The following SLC38A8 variants were observed in gnomAD, a reference collection of about 807,000 sequenced individuals.
The protein encoded by SLC38A8 is amino acid transporter SLC38A8.
A neutral mutation model predicts 46.0 loss-of-function variants in SLC38A8; 65 were observed. The ratio of observed to expected loss-of-function variants is 1.41; its 90% CI spans 1.16 to 1.74. The LOEUF (loss-of-function observed/expected upper bound fraction) is 1.74, where lower values mean the gene tolerates loss of function less well. SLC38A8 is among the 40% of genes most tolerant of loss of function. The pLI is 0.00. For missense variants in SLC38A8, 998 were observed against 567.9 expected (o/e 1.76, Z -7.70); for synonymous variants, 447 against 243.7 (o/e 1.83, Z -7.77).
intron 6 of SLC38A8, among the ~76,000 whole-genome samples, chr16:84,024,045 G>A (rs1398364174): frequency 5.3e-5 from 8 of 152,208 alleles, no homozygotes; most frequent in Non-Finnish European, 1.2e-4. Flanking sequence ...CTGTGTGTTT[G>A]GGGTGGGGGT....
chr16:84,017,172 T>C lies in SLC38A8; in HGVS notation c.921A>G (p.Val307=). The change falls in exon 8 of 11, where the codon GTA becomes GTG. Residue 307 remains valine, a synonymous_variant. Coordinates refer to ENST00000299709, the MANE Select transcript of SLC38A8 (RefSeq NM_001080442.3). ...GGAAGAGCACGATGGGGTAGACAGT[T>C]ACGATGGAGACAGCAAAAAGGACCC... ...VARVLFAVSI[V]TVYPIVLFLG... is the part of the protein sequence containing the mutation. 6 of 1,613,986 alleles carry C rather than the reference T, an allele frequency of 3.7e-6. No homozygotes were observed. The highest frequency in any genetic ancestry group is 4.2e-6 in the Non-Finnish European group (5 of 1,180,004).
chr16:84,009,843 G>T lies in SLC38A8; in HGVS notation c.1249C>A (p.Leu417Met), dbSNP rs148450852. ...TGCCCAAAGATGAAGGTGCCGACCAGCACAGAGACCACTCCCCAGACCTCC... is the reference window on the plus strand; with the variant it reads ...TGCCCAAAGATGAAGGTGCCGACCATCACAGAGACCACTCCCCAGACCTCC... ...CLEVWGVVSV[L>M]VGTFIFGQST... The change falls in exon 11 of 11, where the codon CTG (leucine) becomes ATG (methionine). Residue 417 changes from leucine to methionine, a missense_variant. By Grantham distance (15) the Leu-to-Met change is conservative. Transcript: ENST00000299709. 20 of 1,614,072 alleles carry T rather than the reference G, an allele frequency of 1.2e-5. No homozygotes were observed. In the African/African-American group the frequency reaches 2.1e-4, roughly 17 times the overall value.
intron 2 of SLC38A8, among the ~76,000 whole-genome samples, chr16:84,040,488 CG>C (rs2085355490): frequency 6.6e-6 from 1 of 152,228 alleles, no homozygotes; most frequent in South Asian, 2.1e-4. Context: ...AATGCCTGCA[CG>C]GTGCTTGTGG....
At chr16:84,020,678 T>C (rs886125964) in intron 7 of SLC38A8, among the ~76,000 whole-genome samples, 2 of 152,196 alleles carry the variant, frequency 1.3e-5, no homozygotes, top group Non-Finnish European at 2.9e-5. Context: ...GGATAGCCTG[T>C]GGAGGCACCC....
intron 7 of SLC38A8, among the ~76,000 whole-genome samples, chr16:84,019,324 T>G (rs9926354): frequency 0.25 from 38,056 of 151,972 alleles, 7,151 homozygotes; most frequent in African/African-American, 0.53. Flanking sequence ...TCCACCTGCC[T>G]CAGCCTACCA....
chr16:84,025,268 G>T (rs368231042), intron 6 of SLC38A8, among the ~76,000 whole-genome samples: 6 of 152,122 alleles, frequency 3.9e-5, no homozygotes, highest in East Asian at 1.9e-4. Context: ...ACGTGCCAAG[G>T]CCTCATTCCT....
intron 6 of SLC38A8, 110 bp from the exon 7 acceptor site, chr16:84,022,999 C>G (rs1332060165): frequency 1.4e-6 from 1 of 697,698 alleles, no homozygotes; most frequent in Non-Finnish European, 2.3e-6. Context: ...TGAGGTTTCT[C>G]TTGAAATAGC....
intron 3 of SLC38A8, 88 bp downstream of exon 3, chr16:84,036,614 G>A (rs886198963): frequency 1.4e-6 from 2 of 1,468,466 alleles, no homozygotes; most frequent in Non-Finnish European, 1.9e-6. Flanking sequence ...CCCAGGCCAG[G>A]GCCCCACGTC....
chr16:84,035,184 C>T lies in SLC38A8; in HGVS notation c.388+1518G>A, dbSNP rs371266203. Reference sequence around the variant, plus strand: ...CTCAGAATCCTTCTTAACACAGCAACGCTACCAGTTCAGTGGAGTTGAAAC... The same window carrying T: ...CTCAGAATCCTTCTTAACACAGCAATGCTACCAGTTCAGTGGAGTTGAAAC... On this transcript the variant is annotated intron_variant, in intron 3 of 10. Coordinates refer to ENST00000299709, the MANE Select transcript of SLC38A8 (RefSeq NM_001080442.3). Among the ~76,000 whole-genome samples, 102 of 152,336 alleles carry T rather than the reference C, an allele frequency of 6.7e-4. 1 individual carries two copies. The South Asian group carries it at 0.018, about 28-fold the overall frequency.
chr16:84,013,348 G>C (rs1390499991), intron 9 of SLC38A8, among the ~76,000 whole-genome samples: 1 of 151,866 alleles, frequency 6.6e-6, no homozygotes, highest in African/African-American at 2.4e-5. Context: ...ATGAGGAGAT[G>C]GTGAGAGTCC....
At position 84,028,249 on chromosome 16, in the gene SLC38A8, G is replaced by C. The variant is rs185039346; in HGVS notation, c.690+1245C>G. On this transcript the variant is annotated intron_variant, in intron 6 of 10. Coordinates refer to ENST00000299709, the MANE Select transcript of SLC38A8 (RefSeq NM_001080442.3). ...GGTGCTGGTGGTAGGCAGTGGATAG[G>C]TGGTTGTTTTTAGGACATCGAGGCA... 1.3e-3 allele frequency among the ~76,000 whole-genome samples: 192 copies of C among 152,220 alleles called. 1 individual carries two copies. The highest frequency in any genetic ancestry group is 4.4e-3 in the African/African-American group (182 of 41,528).
At chr16:84,019,939 C>A (rs542215724) in intron 7 of SLC38A8, among the ~76,000 whole-genome samples, 1 of 152,260 alleles carries the variant, frequency 6.6e-6, no homozygotes, top group Non-Finnish European at 1.5e-5. Context: ...CCCACTCCTA[C>A]GGCTTTGCCG....
chr16:84,036,351 G>T (rs752126237), intron 3 of SLC38A8, among the ~76,000 whole-genome samples: 1 of 152,232 alleles, frequency 6.6e-6, no homozygotes, highest in Non-Finnish European at 1.5e-5. Flanking sequence ...GTTGGTGAGG[G>T]CTCAGAGCCA....
Position 84,042,097 on chromosome 16 carries a change from C to T in SLC38A8, c.61G>A (p.Ala21Thr), listed in dbSNP as rs760495390. The change falls in exon 2 of 11, where the codon GCT becomes ACT. Residue 21 changes from alanine (A) to threonine (T), a missense_variant. Physicochemically the swap from Ala to Thr is moderately conservative, Grantham distance 58 (BLOSUM62 0). Coordinates refer to ENST00000299709, the MANE Select transcript of SLC38A8 (RefSeq NM_001080442.3). ...LPEKPHPATA[A>T]ATLSSMGAVF... The stretch of plus-strand genomic sequence containing the variant: ...GCGCCCATCGAGGACAGAGTGGCAG[C>T]AGCCGTGGCAGGGTGAGGCTTTTCT... 2 of 1,613,866 alleles carry T rather than the reference C, an allele frequency of 1.2e-6. No homozygotes were observed. The highest frequency in any genetic ancestry group is 2.7e-5 in the African/African-American group (2 of 74,926).
At chr16:84,028,215 G>C (rs1163221734) in intron 6 of SLC38A8, among the ~76,000 whole-genome samples, 1 of 152,134 alleles carries the variant, frequency 6.6e-6, no homozygotes, top group Non-Finnish European at 1.5e-5. Context: ...ACTTTGGAAT[G>C]GTTTTGTTGG....
chr16:84,018,762 G>A (rs909886835), intron 7 of SLC38A8, among the ~76,000 whole-genome samples: 1 of 152,150 alleles, frequency 6.6e-6, no homozygotes, highest in Non-Finnish European at 1.5e-5. Context: ...GCCGAAATGA[G>A]ATGCTTTTAT....
chr16:84,017,369 G>T, intron 7 of SLC38A8, 82 bp from the exon 8 acceptor site: 2 of 1,515,064 alleles, frequency 1.3e-6, no homozygotes, highest in Non-Finnish European at 1.8e-6. Flanking sequence ...GACAGCGCCT[G>T]GCTTTACCAC....
Position 84,033,242 on chromosome 16 carries a change from G to C in SLC38A8, c.530+86C>G, listed in dbSNP as rs2085265305. On this transcript the variant is annotated intron_variant, in intron 4 of 10. Transcript: ENST00000299709. ...TCCAAATGTGAAGGCCAATTCCCCA[G>C]CTCCTCTGACCCCAGATGGACAGAA... is the stretch of plus-strand genomic sequence containing the variant. 5 of 1,569,132 alleles carry C rather than the reference G, an allele frequency of 3.2e-6. No individual in the cohort carries two copies. The South Asian group carries it at 4.6e-5, about 14-fold the overall frequency.
chr16:84,013,115 C>T, intron 9 of SLC38A8, 63 bp from the exon 10 acceptor site: 1 of 1,599,300 alleles, frequency 6.3e-7, no homozygotes, highest in East Asian at 2.2e-5. Context: ...CAAAAAGGTC[C>T]CGGGAGAGGT....
Sources: gnomAD v4.1 joint callset for allele counts (sites outside exome capture counted in the v4.1 genomes callset) on GRCh38, gnomAD v4.1.1 for gene constraint, MANE v1.5 for transcripts, NCBI Gene and HGNC (gene_info 2026-07-23, HGNC 2026-07-21) for gene names.